The following FGF1 variants were observed in gnomAD, a reference collection of about 807,000 sequenced individuals.
The protein encoded by FGF1 is fibroblast growth factor 1.
Under a neutral mutation model 13.4 loss-of-function variants are expected in FGF1, and 9 were observed. The observed-to-expected ratio is 0.67, with a 90% confidence interval of 0.40 to 1.17. FGF1 has a LOEUF of 1.17. FGF1 is among the 50% of genes most tolerant of loss of function. The pLI is 0.01. For synonymous variants in FGF1, 93 were observed against 79.0 expected, an observed-to-expected ratio of 1.18 and a Z score of -0.94; for missense variants, 156 against 192.7, an observed-to-expected ratio of 0.81 and a Z score of 1.13.
chr5:142,695,577 G>A (rs1026801130), intron 2 of FGF1, among the ~76,000 whole-genome samples: 3 of 110,252 alleles, frequency 2.7e-5, no homozygotes. Flanking sequence ...GCAAGACTCT[G>A]TATCAAAAAG....
chr5:142,594,311 A>C lies in FGF1; in HGVS notation c.*979T>G, dbSNP rs1754826254. 6.6e-6 allele frequency: 1 copy of C among 152,274 alleles called. No homozygotes were observed. The highest frequency in any genetic ancestry group is 1.5e-5 in the Non-Finnish European group (1 of 68,096). The allele number at this position is 152,274 out of a possible 1,614,324, so 9.4% of individuals were successfully genotyped here. ...ACCCACTGAATCAGAATCTCCATTCAAACCAGGTCCCCAGATGATCTGCAA... is the reference window on the plus strand; with the variant it reads ...ACCCACTGAATCAGAATCTCCATTCCAACCAGGTCCCCAGATGATCTGCAA... On this transcript the variant is annotated 3_prime_UTR_variant, in exon 4 of 4. Coordinates refer to ENST00000337706, the MANE Select transcript of FGF1 (RefSeq NM_000800.5).
intron 1 of FGF1, among the ~76,000 whole-genome samples, chr5:142,643,152 C>T (rs899806610): frequency 6.6e-6 from 1 of 152,176 alleles, no homozygotes; most frequent in Non-Finnish European, 1.5e-5. Context: ...TGCCTATCAA[C>T]AGATTTGCAA....
rs1006476719 is a variant in FGF1, at chr5:142,661,994, C to T, written c.-35+23963G>A. 5.9e-5 allele frequency among the ~76,000 whole-genome samples: 9 copies of T among 151,382 alleles called. No individual in the cohort carries two copies. In the South Asian group the frequency reaches 6.3e-4, roughly 11 times the overall value. On this transcript the variant is annotated intron_variant, in intron 1 of 3. Coordinates refer to ENST00000337706, the MANE Select transcript of FGF1 (RefSeq NM_000800.5). The stretch of plus-strand genomic sequence containing the variant: ...CAGCCTGGGCGACAGAGCAAGACTG[C>T]GTCTCAAAAAAAACAAAAAACAAAA...
intron 1 of FGF1, among the ~76,000 whole-genome samples, chr5:142,637,269 T>G (rs1358038755): frequency 6.6e-6 from 1 of 151,700 alleles, no homozygotes; most frequent in African/African-American, 2.4e-5. Context: ...TTTGAGAATG[T>G]GGAGGTCATT....
intron 1 of FGF1, among the ~76,000 whole-genome samples, chr5:142,662,850 C>G (rs544103407): frequency 1.3e-5 from 2 of 152,066 alleles, no homozygotes; most frequent in South Asian, 4.1e-4. Context: ...TTTGAGACAG[C>G]ATCTCACTCC....
chr5:142,635,197 T>A (rs1259488516), intron 1 of FGF1, among the ~76,000 whole-genome samples: 2 of 152,204 alleles, frequency 1.3e-5, no homozygotes, highest in African/African-American at 4.8e-5. Context: ...CACTCCCTTG[T>A]GCCTCAATTT....
chr5:142,605,169 G>A (rs1181136505), intron 2 of FGF1, among the ~76,000 whole-genome samples: 1 of 151,864 alleles, frequency 6.6e-6, no homozygotes, highest in African/African-American at 2.4e-5. Context: ...GTGCTGTGGT[G>A]TGATCTCAGC....
intron 2 of FGF1, among the ~76,000 whole-genome samples, chr5:142,608,525 T>A (rs1314417136): frequency 7.3e-6 from 1 of 137,332 alleles, no homozygotes; most frequent in African/African-American, 2.6e-5. Flanking sequence ...TACATATATA[T>A]AAATATATAT....
intron 1 of FGF1, chr5:142,627,140 G>A (rs1320355575): frequency 6.6e-6 from 1 of 152,198 alleles, no homozygotes; most frequent in Non-Finnish European, 1.5e-5. Flanking sequence ...AACTTTGATA[G>A]CAGTTGGGGT....
rs17223954 is a variant in FGF1 at position 142,595,487 on chromosome 5, A to G, written c.274-3T>C. ...AAACATTCCTCATTTGGTGTCTGCT[A>G]AAAAGATAAAACCAAAAGAGAGTAG... On this transcript the variant is annotated splice_region_variant and splice_polypyrimidine_tract_variant and intron_variant, in intron 3 of 3. Transcript: ENST00000337706. 91 of 1,611,866 alleles carry G rather than the reference A, an allele frequency of 5.6e-5. No homozygotes were observed. In the African/African-American group the frequency reaches 1.0e-3, roughly 18 times the overall value.
At chr5:142,600,246 C>T (rs1756203044) in intron 3 of FGF1, among the ~76,000 whole-genome samples, 1 of 152,072 alleles carries the variant, frequency 6.6e-6, no homozygotes, top group African/African-American at 2.4e-5. Context: ...TCTGTGGTCC[C>T]AGCTACTCAG....
intron 1 of FGF1, among the ~76,000 whole-genome samples, chr5:142,637,496 A>AT (rs1444178716): frequency 6.6e-6 from 1 of 151,508 alleles, no homozygotes; most frequent in East Asian, 1.9e-4. Flanking sequence ...ATTTTTTTGT[A>AT]TTTTTGTAGA....
chr5:142,618,929 G>GTTTTTTTTTT (rs869093279), intron 1 of FGF1, among the ~76,000 whole-genome samples: 52 of 61,234 alleles, frequency 8.5e-4, no homozygotes, highest in Non-Finnish European at 1.2e-3. Flanking sequence ...TAGTTGTTTT[G>GTTTTTTTTTT]TTTTTTTTTT....
chr5:142,595,276 C>G lies in FGF1; in HGVS notation c.*14G>C. On this transcript the variant is annotated 3_prime_UTR_variant, in exon 4 of 4. Coordinates refer to ENST00000337706, the MANE Select transcript of FGF1 (RefSeq NM_000800.5). ...AAACTTCTCTGGAGTGGTCAACACC[C>G]AGAACAGATCTCTTTAATCAGAAGA... 6.2e-7 allele frequency: 1 copy of G among 1,611,424 alleles called. No individual in the cohort carries two copies. Among genetic ancestry groups the G allele is most frequent in the Non-Finnish European group, 8.5e-7 (1 of 1,178,600 alleles).
At chr5:142,691,694 TG>T (rs1221681533) in intron 2 of FGF1, among the ~76,000 whole-genome samples, 1 of 152,146 alleles carries the variant, frequency 6.6e-6, no homozygotes, top group East Asian at 1.9e-4. Flanking sequence ...TCAGTAGATC[TG>T]GGGTGGGCCT....
At chr5:142,647,029 G>A (rs928369692) in intron 1 of FGF1, among the ~76,000 whole-genome samples, 1 of 152,158 alleles carries the variant, frequency 6.6e-6, no homozygotes, top group African/African-American at 2.4e-5. Flanking sequence ...AGTTTCCAGG[G>A]CCCCAGTATA....
chr5:142,613,486 G>A (rs576948685), intron 2 of FGF1, among the ~76,000 whole-genome samples: 4 of 152,362 alleles, frequency 2.6e-5, no homozygotes, highest in East Asian at 1.9e-4. Context: ...GTAAGACTAC[G>A]ATTATGAACT....
chr5:142,691,637 A>G (rs1752254622), intron 2 of FGF1, among the ~76,000 whole-genome samples: 1 of 151,966 alleles, frequency 6.6e-6, no homozygotes, highest in Admixed American at 6.5e-5. Context: ...CACCTGGAGG[A>G]TTTGTTAAAA....
chr5:142,662,970 C>T (rs768729930), intron 1 of FGF1, among the ~76,000 whole-genome samples: 13 of 152,086 alleles, frequency 8.5e-5, no homozygotes, highest in Non-Finnish European at 1.9e-4. Flanking sequence ...AGCACAGGCA[C>T]GTGCCACTAG....
Sources: gnomAD v4.1 joint callset for allele counts (sites outside exome capture counted in the v4.1 genomes callset) on GRCh38, gnomAD v4.1.1 for gene constraint, MANE v1.5 for transcripts, NCBI Gene and HGNC (gene_info 2026-07-23, HGNC 2026-07-21) for gene names.